NALF1: variants seen among roughly 807,000 people sequenced by gnomAD.
NALF1 encodes NALCN channel auxiliary factor 1.
In NALF1, 3 loss-of-function variants were observed where a neutral mutation model predicts 48.4. That is an observed-to-expected ratio of 0.06 (90% CI 0.03 to 0.16). The LOEUF (loss-of-function observed/expected upper bound fraction) is 0.16, where lower values mean the gene tolerates loss of function less well. Ranked by LOEUF, NALF1 falls within the 10% of genes least tolerant of loss-of-function variation. The pLI, the probability that NALF1 is intolerant of heterozygous loss-of-function variation, is 1.00. For synonymous variants in NALF1, 262 were observed against 245.7 expected, an observed-to-expected ratio of 1.07 and a Z score of -0.62; for missense variants, 526 against 571.5, an observed-to-expected ratio of 0.92 and a Z score of 0.81.
intron 1 of NALF1, among the ~76,000 whole-genome samples, chr13:107,445,996 T>C (rs959063247): frequency 6.6e-5 from 10 of 152,144 alleles, no homozygotes; most frequent in African/African-American, 2.4e-4. Flanking sequence ...TGGAGTGCAG[T>C]GGCGCAATCT....
intron 1 of NALF1, among the ~76,000 whole-genome samples, chr13:107,583,053 G>A (rs1878358292): frequency 6.6e-6 from 1 of 152,000 alleles, no homozygotes; most frequent in African/African-American, 2.4e-5. Flanking sequence ...ATAGGAGTAG[G>A]ACTAGTTTCA....
At chr13:107,191,894 C>A (rs1594062884) in intron 2 of NALF1, among the ~76,000 whole-genome samples, 1 of 140,702 alleles carries the variant, frequency 7.1e-6, no homozygotes, top group Non-Finnish European at 1.5e-5. Context: ...ATTGGCCAGG[C>A]TGGTCTTGAA....
chr13:107,264,099 AT>A (rs1276996431), intron 1 of NALF1, among the ~76,000 whole-genome samples: 7 of 152,190 alleles, frequency 4.6e-5, no homozygotes. Context: ...CATTCGTGAT[AT>A]TCAAATCCCC....
intron 1 of NALF1, among the ~76,000 whole-genome samples, chr13:107,229,485 T>C (rs941134101): frequency 6.6e-6 from 1 of 152,200 alleles, no homozygotes; most frequent in Non-Finnish European, 1.5e-5. Flanking sequence ...AAGTGCTTTA[T>C]ATAACTGTTA....
chr13:107,686,161 C>T (rs560937492), intron 1 of NALF1, among the ~76,000 whole-genome samples: 93 of 152,208 alleles, frequency 6.1e-4, no homozygotes, highest in Middle Eastern at 6.8e-3. Context: ...TGGGGAAGAA[C>T]TTTCCAGAAT....
At chr13:107,262,767 G>GCACTCTCT (rs1280864865) in intron 1 of NALF1, among the ~76,000 whole-genome samples, 1 of 43,024 alleles carries the variant, frequency 2.3e-5, no homozygotes, top group African/African-American at 8.2e-5. Flanking sequence ...TAACCCACAG[G>GCACTCTCT]CGCTCTCTCT....
At chr13:107,239,743 G>T (rs1028835209) in intron 1 of NALF1, among the ~76,000 whole-genome samples, 2 of 152,296 alleles carry the variant, frequency 1.3e-5, no homozygotes, top group African/African-American at 4.8e-5. Context: ...GTGGTCTAGA[G>T]CTCAGAAGAG....
intron 1 of NALF1, among the ~76,000 whole-genome samples, chr13:107,509,138 C>CA (rs1875799078): frequency 6.6e-6 from 1 of 152,088 alleles, no homozygotes; most frequent in African/African-American, 2.4e-5. Flanking sequence ...GCTGTTTATA[C>CA]AAAAGTGATT....
chr13:107,849,118 TGACCA>T (rs1880247456), intron 1 of NALF1, among the ~76,000 whole-genome samples: 1 of 152,220 alleles, frequency 6.6e-6, no homozygotes, highest in Non-Finnish European at 1.5e-5. Flanking sequence ...AGCATAATGA[TGACCA>T]TTAGGGATTT....
intron 1 of NALF1, among the ~76,000 whole-genome samples, chr13:107,447,830 T>C (rs1192075294): frequency 6.6e-6 from 1 of 152,116 alleles, no homozygotes; most frequent in African/African-American, 2.4e-5. Context: ...ACCTGCATCA[T>C]CAAAACCTGC....
intron 1 of NALF1, among the ~76,000 whole-genome samples, chr13:107,748,484 G>A (rs763492326): frequency 2.6e-5 from 4 of 152,096 alleles, no homozygotes; most frequent in African/African-American, 4.8e-5. Context: ...AAATGAACAC[G>A]ATTATTCTCC....
intron 1 of NALF1, among the ~76,000 whole-genome samples, chr13:107,845,665 C>T (rs372632417): frequency 3.0e-4 from 46 of 152,252 alleles, no homozygotes; most frequent in South Asian, 2.3e-3. Flanking sequence ...TCTCAGATCT[C>T]GGGATCCTTT....
At chr13:107,670,740 C>T (rs1187480947) in intron 1 of NALF1, among the ~76,000 whole-genome samples, 1 of 152,068 alleles carries the variant, frequency 6.6e-6, no homozygotes, top group East Asian at 1.9e-4. Context: ...CACAGTGCTG[C>T]TCATATTGAG....
At chr13:107,527,546 T>A (rs117357334) in intron 1 of NALF1, among the ~76,000 whole-genome samples, 6 of 152,118 alleles carry the variant, frequency 3.9e-5, no homozygotes, top group African/African-American at 1.4e-4. Flanking sequence ...TTTATACGCC[T>A]CAATTTAAAA....
chr13:107,326,397 T>C (rs777375491), intron 1 of NALF1, among the ~76,000 whole-genome samples: 5 of 152,110 alleles, frequency 3.3e-5, no homozygotes, highest in Admixed American at 6.6e-5. Flanking sequence ...GCCATGTAAA[T>C]TACCAACTTT....
intron 1 of NALF1, among the ~76,000 whole-genome samples, chr13:107,579,581 G>A (rs1404896565): frequency 6.4e-5 from 3 of 46,654 alleles, no homozygotes; most frequent in African/African-American, 2.3e-4. Context: ...CTCACAGTCT[G>A]ATGCCTTTCT....
chr13:107,442,754 A>G (rs934534137), intron 1 of NALF1, among the ~76,000 whole-genome samples: 1 of 152,226 alleles, frequency 6.6e-6, no homozygotes, highest in African/African-American at 2.4e-5. Flanking sequence ...AAAAGGTTTT[A>G]AGTCACAATT....
At chr13:107,853,069 A>C (rs758809646) in intron 1 of NALF1, among the ~76,000 whole-genome samples, 32 of 152,180 alleles carry the variant, frequency 2.1e-4, no homozygotes, top group Non-Finnish European at 4.3e-4. Flanking sequence ...TCATAAATTA[A>C]TTTTTCTAAA....
intron 1 of NALF1, among the ~76,000 whole-genome samples, chr13:107,240,439 G>A (rs1213840626): frequency 6.6e-6 from 1 of 152,186 alleles, no homozygotes; most frequent in Admixed American, 6.5e-5. Flanking sequence ...CCTACAAAAT[G>A]AGTATGACAA....
Sources: gnomAD v4.1 joint callset for allele counts (sites outside exome capture counted in the v4.1 genomes callset) on GRCh38, gnomAD v4.1.1 for gene constraint, MANE v1.5 for transcripts, NCBI Gene and HGNC (gene_info 2026-07-23, HGNC 2026-07-21) for gene names.